PBX3: variants seen among roughly 807,000 people sequenced by gnomAD.
PBX3 encodes PBX homeobox 3, also known as pre-B-cell leukemia transcription factor 3.
In PBX3, 14 loss-of-function variants were observed where a neutral mutation model predicts 48.5. The ratio of observed to expected loss-of-function variants is 0.29; its 90% CI spans 0.19 to 0.45. The LOEUF is 0.45. Ranked by LOEUF, PBX3 falls within the 20% of genes least tolerant of loss-of-function variation. The pLI is 1.00. For synonymous variants in PBX3, 210 were observed against 200.3 expected (o/e 1.05, Z -0.41); for missense variants, 386 against 546.7 (o/e 0.71, Z 2.93).
chr9:125,881,023 A>C (rs1383786437), intron 2 of PBX3, among the ~76,000 whole-genome samples: 1 of 152,254 alleles, frequency 6.6e-6, no homozygotes, highest in African/African-American at 2.4e-5. Context: ...TTTCTCATTA[A>C]GTCTTTTCAA....
intron 3 of PBX3, among the ~76,000 whole-genome samples, chr9:125,925,200 T>A (rs897561775): frequency 1.3e-5 from 2 of 152,180 alleles, no homozygotes; most frequent in Admixed American, 6.5e-5. Flanking sequence ...TGGTGAAAAA[T>A]TTTAAAATAT....
chr9:125,792,048 ACGCACG>A (rs1837627968), intron 2 of PBX3, among the ~76,000 whole-genome samples: 1 of 113,192 alleles, frequency 8.8e-6, no homozygotes, highest in Admixed American at 8.3e-5. Flanking sequence ...ACACACACGC[ACGCACG>A]CACGCACGCA....
intron 5 of PBX3, among the ~76,000 whole-genome samples, chr9:125,944,798 A>G (rs1040425522): frequency 1.3e-5 from 2 of 152,224 alleles, no homozygotes; most frequent in African/African-American, 4.8e-5. Flanking sequence ...ACTTAAGGCT[A>G]CAGACTGTGA....
chr9:125,806,365 G>A (rs1372527253), intron 2 of PBX3, among the ~76,000 whole-genome samples: 3 of 152,128 alleles, frequency 2.0e-5, no homozygotes, highest in South Asian at 2.1e-4. Flanking sequence ...ATCTGAGACC[G>A]GGTAATTTAT....
At chr9:125,942,076 T>G (rs1375472881) in intron 5 of PBX3, among the ~76,000 whole-genome samples, 2 of 152,252 alleles carry the variant, frequency 1.3e-5, no homozygotes, top group Non-Finnish European at 2.9e-5. Flanking sequence ...AAATAAGACC[T>G]GCTTTTATAA....
chr9:125,886,056 C>T (rs943339509), intron 2 of PBX3, among the ~76,000 whole-genome samples: 2 of 151,918 alleles, frequency 1.3e-5, no homozygotes, highest in African/African-American at 4.8e-5. Flanking sequence ...GGCCCTGAGT[C>T]TTTGCAACTT....
chr9:125,747,394 C>G lies in PBX3; in HGVS notation c.-60C>G, dbSNP rs2131932282. Reference sequence around the variant, plus strand: ...TCTTCTCCTCCCTCGTCGCCGCCGCCGCCGCCGCCGCCTCAGCCTTCGCCT... The same window carrying G: ...TCTTCTCCTCCCTCGTCGCCGCCGCGGCCGCCGCCGCCTCAGCCTTCGCCT... On this transcript the variant is annotated 5_prime_UTR_variant, in exon 1 of 9. Transcript: ENST00000373489. 6 of 1,156,166 alleles carry G rather than the reference C, an allele frequency of 5.2e-6. No individual in the cohort carries two copies. The East Asian group carries it at 1.6e-4, about 31-fold the overall frequency. The allele number at this position is 1,156,166 out of a possible 1,614,324, so 71.6% of individuals were successfully genotyped here. A position where few individuals can be genotyped will look rare whatever the true frequency, so the allele number is the denominator to read the frequency against.
intron 4 of PBX3, among the ~76,000 whole-genome samples, chr9:125,934,321 T>C (rs1841787033): frequency 6.6e-6 from 1 of 152,188 alleles, no homozygotes; most frequent in Non-Finnish European, 1.5e-5. Flanking sequence ...TACAACAGCC[T>C]ACTGACTCTG....
At chr9:125,883,137 A>G (rs947173246) in intron 2 of PBX3, among the ~76,000 whole-genome samples, 1 of 152,258 alleles carries the variant, frequency 6.6e-6, no homozygotes, top group Non-Finnish European at 1.5e-5. Flanking sequence ...GTCTTTTAAT[A>G]TATACAATCA....
intron 2 of PBX3, among the ~76,000 whole-genome samples, chr9:125,802,783 A>G (rs977149787): frequency 7.3e-5 from 11 of 150,680 alleles, no homozygotes; most frequent in South Asian, 4.2e-4. Flanking sequence ...GGTTCAAGCA[A>G]TTCTCCTGCT....
Position 125,884,228 on chromosome 9 carries a change from C to G in PBX3, c.275-31458C>G, listed in dbSNP as rs539262817. ...TTTCTATTGGCAGCCTTGGGTAGGACAAGAGTGCTCTGCATTAGAAGCAAT... is the reference window on the plus strand; with the variant it reads ...TTTCTATTGGCAGCCTTGGGTAGGAGAAGAGTGCTCTGCATTAGAAGCAAT... On this transcript the variant is annotated intron_variant, in intron 2 of 8. Transcript: ENST00000373489. Among the ~76,000 whole-genome samples, 7 of 152,258 alleles carry G rather than the reference C, an allele frequency of 4.6e-5. No homozygotes were observed. The South Asian group carries it at 1.4e-3, about 32-fold the overall frequency.
intron 2 of PBX3, among the ~76,000 whole-genome samples, chr9:125,846,845 C>T (rs1345023017): frequency 1.3e-5 from 2 of 151,940 alleles, no homozygotes; most frequent in Non-Finnish European, 2.9e-5. Context: ...AAGGTCTACT[C>T]ATTGCAGTTG....
At chr9:125,752,579 CCT>C (rs931003903) in intron 2 of PBX3, among the ~76,000 whole-genome samples, 1 of 149,318 alleles carries the variant, frequency 6.7e-6, no homozygotes, top group Non-Finnish European at 1.5e-5. Context: ...TCATTCGACA[CCT>C]CTCTATTTAA....
chr9:125,923,049 A>G (rs1478294573), intron 3 of PBX3, among the ~76,000 whole-genome samples: 1 of 152,264 alleles, frequency 6.6e-6, no homozygotes, highest in Non-Finnish European at 1.5e-5. Context: ...ATGTTGGGCT[A>G]TTGCCAAATT....
At chr9:125,781,192 G>A (rs1054846509) in intron 2 of PBX3, among the ~76,000 whole-genome samples, 12 of 150,488 alleles carry the variant, frequency 8.0e-5, no homozygotes, top group South Asian at 6.3e-4. Context: ...AGGTTGTAGC[G>A]AGCTGAGATC....
intron 2 of PBX3, among the ~76,000 whole-genome samples, chr9:125,786,868 G>A (rs951792581): frequency 3.3e-5 from 5 of 151,806 alleles, no homozygotes; most frequent in African/African-American, 4.8e-5. Context: ...GAGATTACAG[G>A]TGCACACCAC....
At chr9:125,797,844 T>C (rs1309347817) in intron 2 of PBX3, among the ~76,000 whole-genome samples, 2 of 152,138 alleles carry the variant, frequency 1.3e-5, no homozygotes, top group Non-Finnish European at 2.9e-5. Context: ...CCTCCAAGTA[T>C]GTAAGAGACC....
chr9:125,748,982 C>T (rs1836290561), intron 2 of PBX3: 1 of 197,174 alleles, frequency 5.1e-6, no homozygotes, highest in East Asian at 1.2e-4. Flanking sequence ...ATGCCAGGAC[C>T]GAGTCCCCGG....
chr9:125,850,254 AG>A (rs1300999940), intron 2 of PBX3, among the ~76,000 whole-genome samples: 1 of 152,046 alleles, frequency 6.6e-6, no homozygotes, highest in Non-Finnish European at 1.5e-5. Context: ...GAGAGTCTGC[AG>A]AATTTTCTGA....
Sources: gnomAD v4.1 joint callset for allele counts (sites outside exome capture counted in the v4.1 genomes callset) on GRCh38, gnomAD v4.1.1 for gene constraint, MANE v1.5 for transcripts, NCBI Gene and HGNC (gene_info 2026-07-23, HGNC 2026-07-21) for gene names.